GABRB2: variants seen among roughly 807,000 people sequenced by gnomAD.
GABRB2 encodes the protein gamma-aminobutyric acid type A receptor subunit beta2.
A neutral mutation model predicts 54.7 loss-of-function variants in GABRB2; 16 were observed. That is an observed-to-expected ratio of 0.29 (90% CI 0.20 to 0.44). The LOEUF (loss-of-function observed/expected upper bound fraction) is 0.44, where lower values mean the gene tolerates loss of function less well. Ranked by LOEUF, GABRB2 falls within the 20% of genes least tolerant of loss-of-function variation. The probability of loss-of-function intolerance (pLI) is 1.00; values close to 1 mark genes in which losing one functional copy is unlikely to be tolerated. For missense variants in GABRB2, 355 were observed against 644.0 expected (o/e 0.55, Z 4.86); for synonymous variants, 244 against 233.8 (o/e 1.04, Z -0.40).
At chr5:161,489,519 A>G (rs1759036193) in intron 3 of GABRB2, among the ~76,000 whole-genome samples, 1 of 151,838 alleles carries the variant, frequency 6.6e-6, no homozygotes, top group East Asian at 1.9e-4. Context: ...GTAGGAAATG[A>G]GAGGATCTAA....
intron 5 of GABRB2, among the ~76,000 whole-genome samples, chr5:161,385,990 GTGTGTGTT>G (rs1407613501): frequency 8.4e-4 from 115 of 136,124 alleles, no homozygotes; most frequent in African/African-American, 3.3e-3. Flanking sequence ...GTGTGTGTGT[GTGTGTGTT>G]ACTTGAGAAT....
Position 161,292,978 on chromosome 5 carries a change from A to C in GABRB2, c.*1103T>G, listed in dbSNP as rs1206982512. ...TCTCTTGAAATACTCTATTAAATTA[A>C]GAAATAAAATTATAGGGACAAAAAT... On this transcript the variant is annotated 3_prime_UTR_variant, in exon 10 of 10. Coordinates refer to ENST00000393959, the MANE Select transcript of GABRB2 (RefSeq NM_001371727.1). 1 of 152,216 alleles carries C rather than the reference A, an allele frequency of 6.6e-6. No individual in the cohort carries two copies. The highest frequency in any genetic ancestry group is 1.5e-5 in the Non-Finnish European group (1 of 68,034). 9.4% of individuals were successfully genotyped at this position (152,216 alleles called of 1,614,324 possible).
Position 161,435,391 on chromosome 5 carries a change from A to G in GABRB2, c.458+24233T>C, listed in dbSNP as rs115242435. Among the ~76,000 whole-genome samples, 534 of 152,314 alleles carry G rather than the reference A, an allele frequency of 3.5e-3. 1 individual carries two copies. The highest frequency in any genetic ancestry group is 7.8e-3 in the Admixed American group (120 of 15,294). ...GTGAATAAAGCAAATTATTAAATGG[A>G]CATATAATCACAATTTTCTGTGAAA... On this transcript the variant is annotated intron_variant, in intron 4 of 9. Transcript: ENST00000393959.
intron 5 of GABRB2, among the ~76,000 whole-genome samples, chr5:161,351,299 T>C (rs1298799741): frequency 2.6e-5 from 4 of 152,138 alleles, no homozygotes; most frequent in Non-Finnish European, 5.9e-5. Flanking sequence ...CTTCAAAATA[T>C]ATTACAAAGC....
intron 5 of GABRB2, among the ~76,000 whole-genome samples, chr5:161,404,942 A>T (rs887327309): frequency 2.0e-5 from 3 of 152,104 alleles, no homozygotes; most frequent in African/African-American, 7.2e-5. Context: ...TAATTCCTTT[A>T]TTCCCAGCAA....
chr5:161,537,282 A>G (rs1760667369), intron 3 of GABRB2, among the ~76,000 whole-genome samples: 1 of 152,228 alleles, frequency 6.6e-6, no homozygotes, highest in Non-Finnish European at 1.5e-5. Flanking sequence ...ACAAAGTTAG[A>G]AGCACCACTT....
chr5:161,335,788 G>A (rs188947447), intron 6 of GABRB2, among the ~76,000 whole-genome samples: 18 of 152,196 alleles, frequency 1.2e-4, no homozygotes, highest in Admixed American at 3.3e-4. Context: ...TCTGTTTGTC[G>A]TTGTTGTTTT....
At chr5:161,352,387 A>T (rs1022738924) in intron 5 of GABRB2, among the ~76,000 whole-genome samples, 4 of 152,202 alleles carry the variant, frequency 2.6e-5, no homozygotes, top group African/African-American at 9.6e-5. Flanking sequence ...GACAAAAAAA[A>T]AATCCTGTCA....
chr5:161,527,244 C>A (rs976539306), intron 3 of GABRB2, among the ~76,000 whole-genome samples: 1 of 151,166 alleles, frequency 6.6e-6, no homozygotes, highest in Non-Finnish European at 1.5e-5. Context: ...AGTGAAAGGA[C>A]AGATTATTTC....
intron 3 of GABRB2, among the ~76,000 whole-genome samples, chr5:161,483,790 T>G (rs1178451028): frequency 2.0e-5 from 3 of 152,012 alleles, no homozygotes; most frequent in African/African-American, 7.2e-5. Context: ...GGGATTATCA[T>G]GATTTTATTT....
At chr5:161,347,088 A>T (rs750246808) in intron 5 of GABRB2, among the ~76,000 whole-genome samples, 1 of 152,124 alleles carries the variant, frequency 6.6e-6, no homozygotes, top group Admixed American at 6.6e-5. Context: ...AGTCAGTTCA[A>T]TGAATTGATC....
intron 3 of GABRB2, among the ~76,000 whole-genome samples, chr5:161,490,248 T>G (rs1438858296): frequency 6.6e-6 from 1 of 151,694 alleles, no homozygotes; most frequent in Non-Finnish European, 1.5e-5. Flanking sequence ...ATATAAACTG[T>G]ATGTCCAGCA....
At chr5:161,537,172 T>C (rs1019521702) in intron 3 of GABRB2, among the ~76,000 whole-genome samples, 1 of 152,232 alleles carries the variant, frequency 6.6e-6, no homozygotes, top group Non-Finnish European at 1.5e-5. Flanking sequence ...TTATCTCTTC[T>C]GTGAGCTCCT....
At chr5:161,412,413 C>T (rs970459266) in intron 4 of GABRB2, among the ~76,000 whole-genome samples, 4 of 152,194 alleles carry the variant, frequency 2.6e-5, no homozygotes, top group Non-Finnish European at 4.4e-5. Context: ...TTACCATCTC[C>T]ACTGCCTCCC....
chr5:161,459,626 G>C lies in GABRB2; in HGVS notation c.456C>G (p.Leu152=). The change falls in exon 4 of 10, where the codon CTC becomes CTG. Residue 152 remains leucine, a splice_region_variant and synonymous_variant. Coordinates refer to ENST00000393959, the MANE Select transcript of GABRB2 (RefSeq NM_001371727.1). Reference sequence around the variant, plus strand: ...ATTTTGAATTGGGGACAACAGACCTGAGTCCATAAAGGACGGTGCCATCAG... The same window carrying C: ...ATTTTGAATTGGGGACAACAGACCTCAGTCCATAAAGGACGGTGCCATCAG... ...LHPDGTVLYG[L]RITTTAACMM... 6.2e-7 allele frequency: 1 copy of C among 1,612,802 alleles called. No individual in the cohort carries two copies. The highest frequency in any genetic ancestry group is 8.5e-7 in the Non-Finnish European group (1 of 1,178,854).
intron 8 of GABRB2, among the ~76,000 whole-genome samples, chr5:161,329,259 T>G (rs1753756561): frequency 6.6e-6 from 1 of 152,196 alleles, no homozygotes; most frequent in African/African-American, 2.4e-5. Flanking sequence ...ATTTATTTAT[T>G]TATTCTCTTC....
At chr5:161,340,029 T>C (rs113513797) in intron 5 of GABRB2, among the ~76,000 whole-genome samples, 12 of 152,198 alleles carry the variant, frequency 7.9e-5, no homozygotes, top group African/African-American at 2.4e-4. Flanking sequence ...ATTTCTTATA[T>C]AAGGAACTAG....
At chr5:161,516,178 C>T (rs964512120) in intron 3 of GABRB2, among the ~76,000 whole-genome samples, 1 of 152,116 alleles carries the variant, frequency 6.6e-6, no homozygotes, top group Admixed American at 6.6e-5. Context: ...AAATTAAAGA[C>T]TTTTTTTACT....
intron 7 of GABRB2, among the ~76,000 whole-genome samples, chr5:161,334,153 G>A (rs560049221): frequency 6.6e-6 from 1 of 152,228 alleles, no homozygotes; most frequent in African/African-American, 2.4e-5. Flanking sequence ...TCAAGATCGT[G>A]TAAAAGGCCA....
Sources: allele counts gnomAD v4.1 joint callset (sites outside exome capture counted in the v4.1 genomes callset), GRCh38; gene constraint gnomAD v4.1.1; transcripts MANE v1.5; gene names NCBI Gene and HGNC (gene_info 2026-07-23, HGNC 2026-07-21).